The following SLC30A5 variants were observed in gnomAD, a reference collection of about 807,000 sequenced individuals.
The protein encoded by SLC30A5 is solute carrier family 30 member 5.
In SLC30A5, 33 loss-of-function variants were observed where a neutral mutation model predicts 79.6. The ratio of observed to expected loss-of-function variants is 0.41; its 90% confidence interval spans 0.31 to 0.55. SLC30A5 has a LOEUF of 0.55. Among genes scored for constraint, SLC30A5 ranks in the 20% least tolerant of loss-of-function variants. SLC30A5 has a pLI of 0.20. For missense variants in SLC30A5, 788 were observed against 928.1 expected (o/e 0.85, Z 1.96); for synonymous variants, 299 against 319.7 (o/e 0.94, Z 0.69).
chr5:69,113,150 C>G lies in SLC30A5; in HGVS notation c.458C>G (p.Ala153Gly), dbSNP rs1167575705. Residue 153 changes from alanine to glycine, a missense_variant, in exon 6 of 16, where the codon GCT becomes GGT. Around this residue, in one of 3 missense-constraint regions of SLC30A5, gnomAD observed 626 missense variants for 755.5 expected, o/e 0.83. Coordinates refer to ENST00000396591, the MANE Select transcript of SLC30A5 (RefSeq NM_022902.5). ...TTTCTTTATTTTCAGACAAGGGGAG[C>G]TGCTTTTTTCATTATTGCTGTGATC... ...SGGGPAKTRG[A>G]AFFIIAVICL... is the part of the protein sequence containing the mutation. 12 of 1,611,788 alleles carry G rather than the reference C, an allele frequency of 7.4e-6. No homozygotes were observed. Among genetic ancestry groups the G allele is most frequent in the Non-Finnish European group, 8.5e-6 (10 of 1,179,430 alleles).
chr5:69,100,758 G>A, intron 1 of SLC30A5, 49 bp from the exon 2 acceptor site: 1 of 1,514,176 alleles, frequency 6.6e-7, no homozygotes. Context: ...TTGATGAGCT[G>A]CTTGTAATTT....
At position 69,108,339 on chromosome 5, in the gene SLC30A5, A is replaced by G. The variant is rs1746141412; in HGVS notation, c.360-10A>G. 2 of 1,600,582 alleles carry G rather than the reference A, an allele frequency of 1.2e-6. No individual in the cohort carries two copies. The highest frequency in any genetic ancestry group is 1.3e-5 in the African/African-American group (1 of 74,716). Reference sequence around the variant, plus strand: ...TACATTTCATAAATGATAATGTTTTATTTTTGTAGGACTTTGCTGCTATTT... The same window carrying G: ...TACATTTCATAAATGATAATGTTTTGTTTTTGTAGGACTTTGCTGCTATTT... On this transcript the variant is annotated splice_polypyrimidine_tract_variant and intron_variant, in intron 4 of 15. Transcript: ENST00000396591.
intron 1 of SLC30A5, among the ~76,000 whole-genome samples, chr5:69,095,196 C>CTT (rs371189827): frequency 0.037 from 4,141 of 112,238 alleles, 361 homozygotes; most frequent in African/African-American, 0.12. Context: ...TATAACGTAA[C>CTT]TTTTTTTTTT....
At chr5:69,118,325 G>GTATATATATATATATATATATA (rs755334727) in intron 11 of SLC30A5, 174 bp from the exon 12 acceptor site, 1 of 188,326 alleles carries the variant, frequency 5.3e-6, no homozygotes, top group African/African-American at 2.8e-5. Flanking sequence ...ATATATATAT[G>GTATATATATATATATATATATA]TATATATATA....
intron 14 of SLC30A5, among the ~76,000 whole-genome samples, chr5:69,125,421 G>T (rs1004434980): frequency 1.3e-5 from 2 of 151,804 alleles, no homozygotes; most frequent in African/African-American, 4.8e-5. Flanking sequence ...AGCTACTCAG[G>T]AGGCTGAGTC....
In SLC30A5 at chr5:69,102,396, G is replaced by A. The variant is rs943183823; in HGVS notation, c.207-666G>A. Reference sequence around the variant, plus strand: ...ATATAACTATTTTGGCAATGTGAAAGGTAGGGATATATAATTAGTAATTTC... The same window carrying A: ...ATATAACTATTTTGGCAATGTGAAAAGTAGGGATATATAATTAGTAATTTC... On this transcript the variant is annotated intron_variant, in intron 2 of 15. Transcript: ENST00000396591. Among the ~76,000 whole-genome samples the A allele has an allele frequency of 4.6e-5, 7 of 151,842 alleles. 1 individual carries two copies. Among genetic ancestry groups the A allele is most frequent in the Non-Finnish European group, 8.8e-5 (6 of 68,000 alleles).
chr5:69,106,186 A>G (rs1011794829), intron 4 of SLC30A5, among the ~76,000 whole-genome samples: 2 of 152,152 alleles, frequency 1.3e-5, no homozygotes, highest in Non-Finnish European at 2.9e-5. Flanking sequence ...TGTCAGATGC[A>G]GAGTAGGTAT....
At chr5:69,113,814 A>G (rs1746295187) in intron 6 of SLC30A5, among the ~76,000 whole-genome samples, 1 of 152,170 alleles carries the variant, frequency 6.6e-6, no homozygotes, top group Admixed American at 6.5e-5. Flanking sequence ...TTATTCTTCT[A>G]TTACTGATAC....
In SLC30A5 at chr5:69,120,800, CCTT is replaced by C. The variant is rs557399614; in HGVS notation, c.1570-891_1570-889del. ...TTGAAAAGTAATTAAAAGTATTTGT[CCTT>C]CTCATATTTATATTTTCCTTTTATA... On this transcript the variant is annotated intron_variant, in intron 12 of 15. Coordinates refer to ENST00000396591, the MANE Select transcript of SLC30A5 (RefSeq NM_022902.5). Among the ~76,000 whole-genome samples, 148 of 152,266 alleles carry C rather than the reference CCTT, an allele frequency of 9.7e-4. 1 individual carries two copies. Among genetic ancestry groups the C allele is most frequent in the African/African-American group, 3.3e-3 (138 of 41,550 alleles).
rs374550818 is a variant in SLC30A5 at position 69,120,306 on chromosome 5, C to G, written c.1570-1388C>G. On this transcript the variant is annotated intron_variant, in intron 12 of 15. Transcript: ENST00000396591. ...GGCTGAGGTAGGAGAATTGCTTGAA[C>G]CTGGGAGGCAGAGGTTGCAATAAGC... 5.9e-5 allele frequency among the ~76,000 whole-genome samples: 9 copies of G among 151,534 alleles called. No homozygotes were observed. In the East Asian group the frequency reaches 1.6e-3, roughly 26 times the overall value.
chr5:69,122,030 G>C, intron 13 of SLC30A5, 135 bp downstream of exon 13: 2 of 643,132 alleles, frequency 3.1e-6, no homozygotes, highest in Non-Finnish European at 5.4e-6. Flanking sequence ...AGAAAGGTCT[G>C]AAGCTATCAC....
At position 69,118,311 on chromosome 5, in the gene SLC30A5, G is replaced by GTGTGTA. The variant is rs1321743509; in HGVS notation, c.1440-187_1440-186insGTGTAT. 1.2e-3 allele frequency: 185 copies of GTGTGTA among 158,824 alleles called. 4 individuals carry two copies. The highest frequency in any genetic ancestry group is 2.1e-3 in the African/African-American group (72 of 34,566). The allele number at this position is 158,824 out of a possible 1,614,324, so 9.8% of individuals were successfully genotyped here. ...TCATATATAACGTGTATATATATGT[G>GTGTGTA]TATATATATATATGTATATATATAT... On this transcript the variant is annotated intron_variant, in intron 11 of 15. Transcript: ENST00000396591.
Position 69,109,366 on chromosome 5 carries a change from A to G in SLC30A5, c.447+930A>G, listed in dbSNP as rs115879074. Among the ~76,000 whole-genome samples, 465 of 152,194 alleles carry G rather than the reference A, an allele frequency of 3.1e-3. 3 individuals carry two copies. The highest frequency in any genetic ancestry group is 0.011 in the African/African-American group (449 of 41,520). ...TTAAAATCAAAAATTAAAAAAAAAAACAGGAAATTGACATTGGTGCAATCC... is the reference window on the plus strand; with the variant it reads ...TTAAAATCAAAAATTAAAAAAAAAAGCAGGAAATTGACATTGGTGCAATCC... On this transcript the variant is annotated intron_variant, in intron 5 of 15. Transcript: ENST00000396591.
At chr5:69,113,117 G>A (rs1746275870) in intron 5 of SLC30A5, 23 bp from the exon 6 acceptor site, 1 of 1,590,334 alleles carries the variant, frequency 6.3e-7, no homozygotes. Flanking sequence ...AGTCATCCTT[G>A]ATGTTGTTTT....
chr5:69,095,062 G>C (rs925298763), intron 1 of SLC30A5, among the ~76,000 whole-genome samples: 3 of 152,064 alleles, frequency 2.0e-5, no homozygotes, highest in Non-Finnish European at 2.9e-5. Context: ...CCTGCAATTT[G>C]GCTGGAACTG....
In SLC30A5 at chr5:69,104,724, A is replaced by C. The variant is rs1746035279; in HGVS notation, c.359+8A>C. 6.2e-7 allele frequency: 1 copy of C among 1,600,868 alleles called. No individual in the cohort carries two copies. Among genetic ancestry groups the C allele is most frequent in the Non-Finnish European group, 8.5e-7 (1 of 1,175,514 alleles). On this transcript the variant is annotated splice_region_variant and intron_variant, in intron 4 of 15. Coordinates refer to ENST00000396591, the MANE Select transcript of SLC30A5 (RefSeq NM_022902.5). ...TCTTTGTGGACCACTAAGGTAAATA[A>C]AAATGCATATTTTGAATGTGTGTTT...
rs35781175 is a variant in SLC30A5, at chr5:69,118,801, C to CT, written c.1569+194dup. Reference sequence around the variant, plus strand: ...TATACTGCTCCCTCTTAGAAATTCTCTTTTTTTTTTTTTTTTTTTTTGAGA... The same window carrying CT: ...TATACTGCTCCCTCTTAGAAATTCTCTTTTTTTTTTTTTTTTTTTTTTGAGA... On this transcript the variant is annotated intron_variant, in intron 12 of 15. Coordinates refer to ENST00000396591, the MANE Select transcript of SLC30A5 (RefSeq NM_022902.5). Among the ~76,000 whole-genome samples, 907 of 97,228 alleles carry CT rather than the reference C, an allele frequency of 9.3e-3. 9 individuals are homozygous for CT. Among genetic ancestry groups the CT allele is most frequent in the East Asian group, 0.025 (76 of 3,014 alleles). The allele number at this position is 97,228 out of a possible 152,430, so 63.8% of individuals were successfully genotyped here.
At chr5:69,126,670 TGAGGCAGAAGAATCGCTTGAACCCAG>T (rs909690572) in intron 14 of SLC30A5, among the ~76,000 whole-genome samples, 17 of 151,762 alleles carry the variant, frequency 1.1e-4, no homozygotes, top group Non-Finnish European at 1.8e-4. Context: ...TTCGGGAGGC[TGAGGCAGAAGAATCGCTTGAACCCAG>T]GAGGCAGAGG....
intron 11 of SLC30A5, 63 bp downstream of exon 11, chr5:69,117,459 T>G: frequency 8.2e-7 from 1 of 1,226,882 alleles, no homozygotes; most frequent in Non-Finnish European, 1.1e-6. Flanking sequence ...AGGAACAGAA[T>G]TATATTACTT....
Sources: gnomAD v4.1 joint callset for allele counts (sites outside exome capture counted in the v4.1 genomes callset) on GRCh38, gnomAD v4.1.1 for gene constraint, gnomAD v4.1.1 regional missense constraint, MANE v1.5 for transcripts, NCBI Gene and HGNC (gene_info 2026-07-23, HGNC 2026-07-21) for gene names.